The following NRP1 variants were observed in gnomAD, a reference collection of about 807,000 sequenced individuals.
The protein encoded by NRP1 is neuropilin-1.
NRP1 carries 35 observed loss-of-function variants against 106.7 expected under a neutral mutation model. That is an observed-to-expected ratio of 0.33 (90% CI 0.25 to 0.43). The LOEUF (loss-of-function observed/expected upper bound fraction) is 0.43. NRP1 is among the 20% of genes least tolerant of loss of function. NRP1 has a pLI of 1.00. For missense variants in NRP1, 1,024 were observed against 1,170.4 expected (o/e 0.87, Z 1.83); for synonymous variants, 437 against 417.9 (o/e 1.05, Z -0.56).
At position 33,186,443 on chromosome 10, in the gene NRP1, C is replaced by A. The variant is rs1836010603; in HGVS notation, c.2108G>T (p.Gly703Val). 1 of 1,613,796 alleles carries A rather than the reference C, an allele frequency of 6.2e-7. No individual in the cohort carries two copies. Among genetic ancestry groups the A allele is most frequent in the African/African-American group, 1.3e-5 (1 of 74,916 alleles). ...IYSQADENQKGKVARLVSPVV... is the reference protein window; with the variant it reads ...IYSQADENQKVKVARLVSPVV... ...AGGGCTCACCAGGCGAGCCACTTTG[C>A]CCTTCTGATTTTCGTCAGCTTGGGA... Residue 703 changes from glycine to valine, a missense_variant, in exon 14 of 17, where the codon GGC becomes GTC. By Grantham distance (109) the Gly-to-Val change is moderately radical. This residue lies in a region of NRP1 where 562 missense variants were observed against 620.3 expected (regional missense o/e 0.91). Transcript: ENST00000374867.
At chr10:33,315,777 A>G (rs991037145) in intron 2 of NRP1, among the ~76,000 whole-genome samples, 1 of 152,260 alleles carries the variant, frequency 6.6e-6, no homozygotes, top group East Asian at 1.9e-4. Context: ...TGAAGGAAGC[A>G]TCATTTCAGG....
At chr10:33,306,957 G>A (rs1846208945) in intron 2 of NRP1, among the ~76,000 whole-genome samples, 1 of 152,210 alleles carries the variant, frequency 6.6e-6, no homozygotes, top group South Asian at 2.1e-4. Flanking sequence ...AAAGACTCAG[G>A]GCAGAGCTAC....
intron 2 of NRP1, among the ~76,000 whole-genome samples, chr10:33,289,562 T>C (rs1189770576): frequency 6.6e-6 from 1 of 152,198 alleles, no homozygotes; most frequent in African/African-American, 2.4e-5. Flanking sequence ...CATTGACGCA[T>C]TTCAAATTGT....
chr10:33,309,982 C>T, intron 2 of NRP1, among the ~76,000 whole-genome samples: 1 of 149,188 alleles, frequency 6.7e-6, no homozygotes, highest in Non-Finnish European at 1.5e-5. Flanking sequence ...GAGTCTCGCT[C>T]TGTCGCCCAG....
chr10:33,233,724 G>T (rs913014331), intron 6 of NRP1, among the ~76,000 whole-genome samples: 1 of 152,158 alleles, frequency 6.6e-6, no homozygotes, highest in Non-Finnish European at 1.5e-5. Flanking sequence ...AGAGGACAAA[G>T]AGCTGAGGTC....
At chr10:33,225,464 T>C (rs1484325055) in intron 7 of NRP1, among the ~76,000 whole-genome samples, 1 of 152,228 alleles carries the variant, frequency 6.6e-6, no homozygotes, top group Non-Finnish European at 1.5e-5. Flanking sequence ...TCCGAAATCT[T>C]TTGATTAGAA....
chr10:33,262,652 G>A (rs945088892), intron 4 of NRP1, among the ~76,000 whole-genome samples: 5 of 147,930 alleles, frequency 3.4e-5, no homozygotes, highest in Admixed American at 2.7e-4. Context: ...GCAGTGAGCC[G>A]AGATTGCTCC....
intron 2 of NRP1, among the ~76,000 whole-genome samples, chr10:33,301,206 A>G (rs1259493560): frequency 1.3e-5 from 2 of 152,206 alleles, no homozygotes; most frequent in Admixed American, 1.3e-4. Flanking sequence ...CATGGGGAGA[A>G]CTGAATGTCG....
chr10:33,303,910 T>C (rs1473336032), intron 2 of NRP1, among the ~76,000 whole-genome samples: 2 of 152,238 alleles, frequency 1.3e-5, no homozygotes, highest in South Asian at 2.1e-4. Flanking sequence ...TATACACTGA[T>C]ATAAGCTCCA....
chr10:33,198,853 C>T (rs1836999113), intron 11 of NRP1, among the ~76,000 whole-genome samples: 1 of 152,086 alleles, frequency 6.6e-6, no homozygotes, highest in Admixed American at 6.5e-5. Context: ...CTGCAGGAAG[C>T]AGCAGGAAAA....
At chr10:33,243,478 A>G (rs7921035) in intron 6 of NRP1, among the ~76,000 whole-genome samples, 2,004 of 152,330 alleles carry the variant, frequency 0.013, 35 homozygotes, top group African/African-American at 0.045. Flanking sequence ...TTCTCAGGCT[A>G]GCTAAAAGAA....
chr10:33,278,231 C>T (rs1302963799), intron 2 of NRP1, among the ~76,000 whole-genome samples: 1 of 152,060 alleles, frequency 6.6e-6, no homozygotes, highest in African/African-American at 2.4e-5. Flanking sequence ...TTTCCATTTC[C>T]CCACCATTGA....
intron 2 of NRP1, among the ~76,000 whole-genome samples, chr10:33,301,507 G>A (rs188801100): frequency 1.3e-5 from 2 of 152,226 alleles, no homozygotes; most frequent in Admixed American, 6.5e-5. Context: ...ATCTGGTAAC[G>A]ACAATTTATT....
At chr10:33,256,898 G>T (rs147064785) in intron 4 of NRP1, among the ~76,000 whole-genome samples, 1 of 152,162 alleles carries the variant, frequency 6.6e-6, no homozygotes, top group Non-Finnish European at 1.5e-5. Flanking sequence ...GCCCTAGGGG[G>T]AGATTCTGGG....
intron 6 of NRP1, among the ~76,000 whole-genome samples, chr10:33,244,086 A>C (rs76207677): frequency 0.021 from 3,210 of 152,158 alleles, 109 homozygotes; most frequent in African/African-American, 0.073. Context: ...GAACTATACA[A>C]GGGTACAAAA....
At chr10:33,190,778 ATGTGTGTGTGTGTATG>A (rs1836350209) in intron 13 of NRP1, among the ~76,000 whole-genome samples, 1 of 151,698 alleles carries the variant, frequency 6.6e-6, no homozygotes, top group Non-Finnish European at 1.5e-5. Flanking sequence ...GAGTGTGTAT[ATGTGTGTGTGTGTATG>A]TGTGTGTGTG....
chr10:33,181,350 C>T (rs993877528), intron 16 of NRP1, among the ~76,000 whole-genome samples: 1 of 152,248 alleles, frequency 6.6e-6, no homozygotes, highest in African/African-American at 2.4e-5. Flanking sequence ...GAAACAACCT[C>T]TAATAAAGTT....
chr10:33,195,865 C>T (rs1179689468), intron 12 of NRP1, among the ~76,000 whole-genome samples: 1 of 152,142 alleles, frequency 6.6e-6, no homozygotes, highest in African/African-American at 2.4e-5. Flanking sequence ...GCAAACCGGA[C>T]CTGACCACCC....
At chr10:33,200,388 T>C (rs1041591389) in intron 11 of NRP1, among the ~76,000 whole-genome samples, 23 of 152,184 alleles carry the variant, frequency 1.5e-4, no homozygotes, top group Non-Finnish European at 2.5e-4. Flanking sequence ...GAGAGCACAT[T>C]CTACTCATTT....
Sources: allele counts gnomAD v4.1 joint callset (sites outside exome capture counted in the v4.1 genomes callset), GRCh38; gene constraint gnomAD v4.1.1; regional missense constraint gnomAD v4.1.1; transcripts MANE v1.5; gene names NCBI Gene and HGNC (gene_info 2026-07-23, HGNC 2026-07-21).